HTR1F: variants seen among roughly 807,000 people sequenced by gnomAD.
HTR1F encodes 5-hydroxytryptamine receptor 1F.
In HTR1F, 17 loss-of-function variants were observed where a neutral mutation model predicts 24.0. The observed-to-expected ratio is 0.71, with a 90% CI of 0.48 to 1.06. The LOEUF is 1.06. Among genes scored for constraint, HTR1F ranks in the 50% least tolerant of loss-of-function variants. HTR1F has a pLI of 0.00. For synonymous variants in HTR1F, 186 were observed against 156.8 expected (o/e 1.19, Z -1.39); for missense variants, 391 against 427.8 (o/e 0.91, Z 0.76).
rs536808215 is a variant in HTR1F, at chr3:87,859,184, G to A, written c.-43+37060G>A. Among the ~76,000 whole-genome samples the A allele has an allele frequency of 4.6e-5, 7 of 152,308 alleles. No individual in the cohort carries two copies. The South Asian group carries it at 1.4e-3, about 32-fold the overall frequency. ...CTGCACTCCAGCCTCGGCAACAAGA[G>A]TGAAACTCTGTGTCAAAAAAGGAAG... On this transcript the variant is annotated intron_variant, in intron 2 of 2. Transcript: ENST00000319595.
rs544423776 is a variant in HTR1F, at chr3:87,991,188, G to T, written c.439G>T (p.Val147Phe). The T allele has an allele frequency of 6.2e-7, 1 of 1,613,998 alleles. No individual in the cohort carries two copies. The highest frequency in any genetic ancestry group is 1.7e-5 in the Admixed American group (1 of 59,984). Residue 147 changes from valine to phenylalanine, a missense_variant, in exon 3 of 3, where the codon GTT becomes TTT. Val to Phe is a conservative substitution (Grantham distance 50). Coordinates refer to ENST00000319595, the MANE Select transcript of HTR1F (RefSeq NM_001322209.2). ...PKHAGIMITI[V>F]WIISVFISMP... ...GCATGCTGGCATTATGATTACAATA[G>T]TTTGGATTATATCTGTTTTTATCTC...
intron 2 of HTR1F, among the ~76,000 whole-genome samples, chr3:87,869,570 C>T (rs1705511366): frequency 6.6e-6 from 1 of 151,976 alleles, no homozygotes; most frequent in Non-Finnish European, 1.5e-5. Context: ...AAACTGGAGA[C>T]CCAAGAGAGC....
chr3:87,921,761 G>A (rs967031085), intron 2 of HTR1F, among the ~76,000 whole-genome samples: 4 of 151,656 alleles, frequency 2.6e-5, no homozygotes, highest in Non-Finnish European at 4.4e-5. Flanking sequence ...ACAACTATTC[G>A]AATCTCTACT....
At chr3:87,950,684 G>T (rs923886263) in intron 2 of HTR1F, among the ~76,000 whole-genome samples, 3 of 152,132 alleles carry the variant, frequency 2.0e-5, no homozygotes, top group African/African-American at 7.2e-5. Flanking sequence ...CATTTGGTAT[G>T]GGAAGAGGAA....
intron 2 of HTR1F, among the ~76,000 whole-genome samples, chr3:87,939,839 A>G (rs1704523390): frequency 6.6e-6 from 1 of 152,130 alleles, no homozygotes; most frequent in African/African-American, 2.4e-5. Flanking sequence ...ACTTTTTTGA[A>G]GGGTTTTTCA....
intron 2 of HTR1F, among the ~76,000 whole-genome samples, chr3:87,931,175 T>C (rs1292278258): frequency 6.6e-6 from 1 of 151,988 alleles, no homozygotes; most frequent in African/African-American, 2.4e-5. Flanking sequence ...ATTAGGTATA[T>C]CCCCTAATGC....
At chr3:87,913,543 A>G (rs888785822) in intron 2 of HTR1F, among the ~76,000 whole-genome samples, 2 of 152,184 alleles carry the variant, frequency 1.3e-5, no homozygotes, top group Non-Finnish European at 2.9e-5. Context: ...AGACCTAAAA[A>G]TAGAAATACC....
intron 1 of HTR1F, among the ~76,000 whole-genome samples, chr3:87,802,298 C>T (rs1477705210): frequency 9.0e-6 from 1 of 111,632 alleles, no homozygotes; most frequent in Non-Finnish European, 1.7e-5. Flanking sequence ...CTCCCTCCCT[C>T]CCTTCCTTCC....
intron 2 of HTR1F, among the ~76,000 whole-genome samples, chr3:87,945,206 C>T (rs1169575199): frequency 6.6e-6 from 1 of 151,938 alleles, no homozygotes; most frequent in East Asian, 1.9e-4. Flanking sequence ...GGGAACGGGT[C>T]CCACATAACT....
chr3:87,932,252 C>T (rs1176810286), intron 2 of HTR1F, among the ~76,000 whole-genome samples: 16 of 151,902 alleles, frequency 1.1e-4, no homozygotes, highest in Non-Finnish European at 1.9e-4. Context: ...CAGTTTCAGC[C>T]TTCTACATAT....
chr3:87,821,564 T>C (rs1013156540), intron 1 of HTR1F, among the ~76,000 whole-genome samples: 66 of 152,258 alleles, frequency 4.3e-4, no homozygotes, highest in African/African-American at 1.4e-3. Flanking sequence ...TCCCAAAATA[T>C]TAGGGATTGA....
At chr3:87,815,751 T>G (rs1057001897) in intron 1 of HTR1F, among the ~76,000 whole-genome samples, 14 of 152,128 alleles carry the variant, frequency 9.2e-5, no homozygotes, top group Admixed American at 6.5e-5. Context: ...TTAGAAGCTC[T>G]TGATTACTAT....
intron 2 of HTR1F, among the ~76,000 whole-genome samples, chr3:87,941,582 G>T (rs1476128040): frequency 6.6e-6 from 1 of 152,196 alleles, no homozygotes; most frequent in Non-Finnish European, 1.5e-5. Context: ...ACTGGCTCAA[G>T]TCTTGGGATA....
At chr3:87,858,517 C>G (rs1327462450) in intron 2 of HTR1F, among the ~76,000 whole-genome samples, 1 of 152,130 alleles carries the variant, frequency 6.6e-6, no homozygotes, top group East Asian at 1.9e-4. Flanking sequence ...AATCCCATGT[C>G]CAACATGAAC....
At chr3:87,837,718 T>C (rs1270172267) in intron 2 of HTR1F, among the ~76,000 whole-genome samples, 3 of 152,072 alleles carry the variant, frequency 2.0e-5, no homozygotes, top group African/African-American at 7.2e-5. Context: ...TGTGACAATT[T>C]TCTAATTTTT....
chr3:87,858,940 A>G (rs1705257979), intron 2 of HTR1F, among the ~76,000 whole-genome samples: 1 of 152,192 alleles, frequency 6.6e-6, no homozygotes, highest in Admixed American at 6.5e-5. Flanking sequence ...TCATGCCTGT[A>G]ATCCCAGCAC....
rs182108996 is a variant in HTR1F at position 87,888,270 on chromosome 3, G to C, written c.-43+66146G>C. On this transcript the variant is annotated intron_variant, in intron 2 of 2. Coordinates refer to ENST00000319595, the MANE Select transcript of HTR1F (RefSeq NM_001322209.2). Reference sequence around the variant, plus strand: ...CACTCATAGGTGTGAATTGAACAATGAGAACACTTGGATACAGGAAAGGGA... The same window carrying C: ...CACTCATAGGTGTGAATTGAACAATCAGAACACTTGGATACAGGAAAGGGA... Among the ~76,000 whole-genome samples the C allele has an allele frequency of 5.4e-3, 822 of 152,192 alleles. 11 individuals are homozygous for C. The highest frequency in any genetic ancestry group is 0.019 in the African/African-American group (789 of 41,542).
At chr3:87,981,004 TGG>T (rs1705529764) in intron 2 of HTR1F, among the ~76,000 whole-genome samples, 1 of 151,036 alleles carries the variant, frequency 6.6e-6, no homozygotes, top group South Asian at 2.1e-4. Context: ...CCTGGGGGGG[TGG>T]GGCTCCCACC....
At chr3:87,854,792 C>T (rs1258705096) in intron 2 of HTR1F, among the ~76,000 whole-genome samples, 4 of 152,138 alleles carry the variant, frequency 2.6e-5, no homozygotes, top group African/African-American at 7.2e-5. Context: ...AGACATTCTT[C>T]CTCTTCCATT....
Sources: gnomAD v4.1 joint callset for allele counts (sites outside exome capture counted in the v4.1 genomes callset) on GRCh38, gnomAD v4.1.1 for gene constraint, MANE v1.5 for transcripts, NCBI Gene and HGNC (gene_info 2026-07-23, HGNC 2026-07-21) for gene names.